The following ASPH variants were observed in gnomAD, a reference collection of about 807,000 sequenced individuals.
ASPH encodes the protein aspartyl/asparaginyl beta-hydroxylase.
In ASPH, 100 loss-of-function variants were observed where a neutral mutation model predicts 118.4. The ratio of observed to expected loss-of-function variants is 0.84; its 90% CI spans 0.72 to 1.00. The LOEUF (loss-of-function observed/expected upper bound fraction) is 1.00, where lower values mean the gene tolerates loss of function less well. Ranked by LOEUF, ASPH falls within the 50% of genes least tolerant of loss-of-function variation. The pLI is 0.00. For synonymous variants in ASPH, 315 were observed against 325.6 expected, an observed-to-expected ratio of 0.97 and a Z score of 0.35; for missense variants, 920 against 919.5, an observed-to-expected ratio of 1.00 and a Z score of -0.01.
At chr8:61,624,118 AAC>A (rs1851893487) in intron 13 of ASPH, 3 of 667,586 alleles carry the variant, frequency 4.5e-6, no homozygotes, top group Non-Finnish European at 5.6e-6. Flanking sequence ...TTGATAGCAA[AAC>A]AGAGTTACTA....
rs1303070744 is a variant in ASPH, at chr8:61,502,187, A to ATGT, written c.*1169_*1171dup. ...TGATAATAATTGCTATTTCACAGTG[A>ATGT]TGTTTAAAATGGCAGAGATTTCTCA... On this transcript the variant is annotated 3_prime_UTR_variant, in exon 25 of 25. Coordinates refer to ENST00000379454, the MANE Select transcript of ASPH (RefSeq NM_004318.4). 1 of 152,354 alleles carries ATGT rather than the reference A, an allele frequency of 6.6e-6. No individual in the cohort carries two copies. Among genetic ancestry groups the ATGT allele is most frequent in the Admixed American group, 6.5e-5 (1 of 15,300 alleles). 9.4% of individuals were successfully genotyped at this position (152,354 alleles called of 1,614,324 possible). A position where few individuals can be genotyped will look rare whatever the true frequency, so the allele number is the denominator to read the frequency against.
chr8:61,714,539 T>C lies in ASPH; in HGVS notation c.-168A>G. 9.6e-7 allele frequency: 1 copy of C among 1,042,738 alleles called. No individual in the cohort carries two copies. The highest frequency in any genetic ancestry group is 1.2e-6 in the Non-Finnish European group (1 of 803,038). The allele number at this position is 1,042,738 out of a possible 1,614,324, so 64.6% of individuals were successfully genotyped here. On this transcript the variant is annotated 5_prime_UTR_variant, in exon 1 of 25. Transcript: ENST00000379454. ...CACCGCCTGCAGCACCTGGGAAGAC[T>C]TCACCCGCCTGCCGGCTGCGCGCGC...
intron 18 of ASPH, among the ~76,000 whole-genome samples, chr8:61,557,528 C>T (rs989241217): frequency 6.6e-6 from 1 of 152,212 alleles, no homozygotes; most frequent in East Asian, 1.9e-4. Context: ...TAAAACTGAA[C>T]CCCCTCCATC....
intron 22 of ASPH, among the ~76,000 whole-genome samples, chr8:61,520,469 G>C (rs569532610): frequency 8.5e-5 from 13 of 152,228 alleles, no homozygotes; most frequent in African/African-American, 2.6e-4. Flanking sequence ...CAACTAAAAG[G>C]TATTCACCCC....
At chr8:61,580,277 C>G (rs1044185857) in intron 15 of ASPH, among the ~76,000 whole-genome samples, 1 of 152,228 alleles carries the variant, frequency 6.6e-6, no homozygotes, top group African/African-American at 2.4e-5. Context: ...AGTGGGGACT[C>G]TATGTGGGGG....
intron 24 of ASPH, among the ~76,000 whole-genome samples, chr8:61,515,034 G>C (rs1280586125): frequency 7.2e-6 from 1 of 138,556 alleles, no homozygotes; most frequent in Admixed American, 7.3e-5. Context: ...GAGGGAGGAG[G>C]AAGGAAAGAA....
intron 3 of ASPH, chr8:61,664,515 A>G: frequency 1.0e-6 from 1 of 985,134 alleles, no homozygotes; most frequent in Non-Finnish European, 1.2e-6. Context: ...GGCACATGGT[A>G]AGCACTAAGT....
At chr8:61,635,337 CCACTT>C (rs1389059351) in intron 12 of ASPH, among the ~76,000 whole-genome samples, 2 of 152,128 alleles carry the variant, frequency 1.3e-5, no homozygotes, top group Non-Finnish European at 2.9e-5. Flanking sequence ...TATCGTCTCT[CCACTT>C]GCTTCCAAAA....
chr8:61,595,912 C>T (rs1178190184), intron 14 of ASPH, among the ~76,000 whole-genome samples: 1 of 152,184 alleles, frequency 6.6e-6, no homozygotes, highest in African/African-American at 2.4e-5. Context: ...TGCAGGCACC[C>T]ATGCATGCTG....
chr8:61,583,861 T>A (rs1206017010), intron 15 of ASPH, 83 bp downstream of exon 15: 9 of 878,162 alleles, frequency 1.0e-5, no homozygotes, highest in Non-Finnish European at 1.5e-5. Flanking sequence ...TTACACTTAC[T>A]ATTTTTTTTT....
intron 6 of ASPH, among the ~76,000 whole-genome samples, 173 bp from the exon 7 acceptor site, chr8:61,644,805 G>A (rs980016949): frequency 2.0e-5 from 3 of 152,088 alleles, no homozygotes; most frequent in Non-Finnish European, 2.9e-5. Flanking sequence ...GAAGTACACT[G>A]TGGGATGTCT....
At chr8:61,690,209 C>G (rs1231755022) in intron 1 of ASPH, among the ~76,000 whole-genome samples, 2 of 152,148 alleles carry the variant, frequency 1.3e-5, no homozygotes, top group Admixed American at 6.5e-5. Flanking sequence ...AAGGAAAGAC[C>G]ATTAGATTGC....
intron 14 of ASPH, among the ~76,000 whole-genome samples, chr8:61,608,688 T>C (rs1846336750): frequency 6.6e-6 from 1 of 152,182 alleles, no homozygotes; most frequent in African/African-American, 2.4e-5. Context: ...CCAGACTGAC[T>C]AGGTCAGCAG....
chr8:61,546,237 C>T (rs1235847901), intron 21 of ASPH, among the ~76,000 whole-genome samples: 2 of 152,216 alleles, frequency 1.3e-5, no homozygotes, highest in East Asian at 1.9e-4. Context: ...ATTATACTGC[C>T]CCGAAGTCTG....
rs747090114 is a variant in ASPH at position 61,714,325 on chromosome 8, C to A, written c.47G>T (p.Ser16Ile). 5.3e-6 allele frequency: 8 copies of A among 1,514,818 alleles called. No individual in the cohort carries two copies. Among genetic ancestry groups the A allele is most frequent in the Non-Finnish European group, 6.2e-6 (7 of 1,132,034 alleles). 93.8% of individuals were successfully genotyped at this position (1,514,818 alleles called of 1,614,324 possible). ...NAKSSGNSSS[S>I]GSGSGSTSAG... is the part of the protein sequence containing the mutation. The stretch of plus-strand genomic sequence containing the variant: ...ACTCGTGCTACCGCTGCCGGAGCCG[C>A]TGCTGCTGCTGTTGCCGCTGCTCTT... Residue 16 changes from serine (S) to isoleucine (I), a missense_variant, in exon 1 of 25, where the codon AGC becomes ATC. Physicochemically the swap from Ser to Ile is moderately radical, Grantham distance 142 (BLOSUM62 -2). Coordinates refer to ENST00000379454, the MANE Select transcript of ASPH (RefSeq NM_004318.4).
chr8:61,536,784 T>C (rs1819778805), intron 21 of ASPH, among the ~76,000 whole-genome samples: 1 of 152,224 alleles, frequency 6.6e-6, no homozygotes, highest in African/African-American at 2.4e-5. Flanking sequence ...ACTTATAGCA[T>C]GCTGGTTTCC....
intron 18 of ASPH, 32 bp from the exon 19 acceptor site, chr8:61,556,054 A>C: frequency 1.3e-6 from 2 of 1,586,484 alleles, no homozygotes; most frequent in Non-Finnish European, 1.7e-6. Flanking sequence ...AACATAACTC[A>C]AAGAAAACAT....
chr8:61,617,076 A>G (rs573747582), intron 14 of ASPH, among the ~76,000 whole-genome samples: 8 of 152,248 alleles, frequency 5.3e-5, no homozygotes, highest in Non-Finnish European at 8.8e-5. Flanking sequence ...GACAACATGT[A>G]GACAGCTGGA....
At chr8:61,666,919 CTTTAATG>C (rs1261207811) in intron 3 of ASPH, among the ~76,000 whole-genome samples, 1 of 152,110 alleles carries the variant, frequency 6.6e-6, no homozygotes, top group Non-Finnish European at 1.5e-5. Flanking sequence ...AAAATTCAGT[CTTTAATG>C]TTTAATTTGC....
Sources: gnomAD v4.1 joint callset for allele counts (sites outside exome capture counted in the v4.1 genomes callset) on GRCh38, gnomAD v4.1.1 for gene constraint, MANE v1.5 for transcripts, NCBI Gene and HGNC (gene_info 2026-07-23, HGNC 2026-07-21) for gene names.